The following TMEM132D variants were observed in gnomAD, a reference collection of about 807,000 sequenced individuals.
TMEM132D encodes the protein mature OL transmembrane protein.
TMEM132D carries 21 observed loss-of-function variants against 62.3 expected under a neutral mutation model. The ratio of observed to expected loss-of-function variants is 0.34; its 90% confidence interval spans 0.24 to 0.49. The LOEUF (loss-of-function observed/expected upper bound fraction) is 0.49, where lower values mean the gene tolerates loss of function less well. Among genes scored for constraint, TMEM132D ranks in the 20% least tolerant of loss-of-function variants. TMEM132D has a pLI of 0.99. For missense variants in TMEM132D, 1,346 were observed against 1,402.8 expected, an observed-to-expected ratio of 0.96 and a Z score of 0.65; for synonymous variants, 621 against 575.6, an observed-to-expected ratio of 1.08 and a Z score of -1.13.
At chr12:129,283,380 C>T (rs1049630021) in intron 4 of TMEM132D, among the ~76,000 whole-genome samples, 6 of 152,002 alleles carry the variant, frequency 3.9e-5, no homozygotes, top group South Asian at 2.1e-4. Context: ...TTAGTAGAGA[C>T]GGGATTTCAC....
intron 4 of TMEM132D, among the ~76,000 whole-genome samples, chr12:129,305,386 G>T (rs1018538021): frequency 6.6e-6 from 1 of 152,174 alleles, no homozygotes; most frequent in Non-Finnish European, 1.5e-5. Flanking sequence ...GGGAGTCTAA[G>T]TGCCACTGCC....
At chr12:129,461,582 T>C (rs1195859602) in intron 3 of TMEM132D, among the ~76,000 whole-genome samples, 1 of 152,162 alleles carries the variant, frequency 6.6e-6, no homozygotes, top group Non-Finnish European at 1.5e-5. Flanking sequence ...TTCATCTTCT[T>C]ACAGGTCTTC....
At chr12:129,601,773 A>C (rs888264480) in intron 2 of TMEM132D, among the ~76,000 whole-genome samples, 1 of 152,178 alleles carries the variant, frequency 6.6e-6, no homozygotes, top group Non-Finnish European at 1.5e-5. Context: ...GGAGCCACAA[A>C]CAATAGTAAC....
chr12:129,158,820 T>G (rs1877317608), intron 5 of TMEM132D, among the ~76,000 whole-genome samples: 1 of 152,166 alleles, frequency 6.6e-6, no homozygotes, highest in Non-Finnish European at 1.5e-5. Flanking sequence ...AAAAGAGGTT[T>G]AATTGACTCA....
intron 5 of TMEM132D, among the ~76,000 whole-genome samples, chr12:129,168,993 T>A (rs1877641891): frequency 6.6e-6 from 1 of 152,222 alleles, no homozygotes; most frequent in Non-Finnish European, 1.5e-5. Context: ...ATCTACTTTG[T>A]ATCACTCTAA....
At chr12:129,320,929 G>A (rs558620209) in intron 4 of TMEM132D, among the ~76,000 whole-genome samples, 1 of 149,876 alleles carries the variant, frequency 6.7e-6, no homozygotes, top group Non-Finnish European at 1.5e-5. Context: ...ATAATAAAAT[G>A]AAAGCGAGCC....
intron 2 of TMEM132D, among the ~76,000 whole-genome samples, chr12:129,644,984 TAA>T (rs749612311): frequency 3.6e-4 from 23 of 63,404 alleles, no homozygotes; most frequent in African/African-American, 1.1e-3. Flanking sequence ...ATAGTCCATC[TAA>T]AAAAAAAAAA....
intron 5 of TMEM132D, among the ~76,000 whole-genome samples, chr12:129,108,989 C>A (rs1875592665): frequency 6.6e-6 from 1 of 152,202 alleles, no homozygotes; most frequent in South Asian, 2.1e-4. Flanking sequence ...CTCTAGACTG[C>A]ATGCTATTAA....
chr12:129,568,716 G>C (rs1877433474), intron 2 of TMEM132D, among the ~76,000 whole-genome samples: 1 of 151,992 alleles, frequency 6.6e-6, no homozygotes, highest in South Asian at 2.1e-4. Context: ...TTATCTTATT[G>C]GTATCTCCAA....
At chr12:129,783,919 A>G (rs975235545) in intron 1 of TMEM132D, among the ~76,000 whole-genome samples, 6 of 152,210 alleles carry the variant, frequency 3.9e-5, no homozygotes, top group African/African-American at 1.4e-4. Flanking sequence ...CTAAACGATC[A>G]TCACATCTTT....
chr12:129,888,028 ATAT>A lies in TMEM132D; in HGVS notation c.79+15230_79+15232del, dbSNP rs1258151501. Among the ~76,000 whole-genome samples, 3 of 152,276 alleles carry A rather than the reference ATAT, an allele frequency of 2.0e-5. No homozygotes were observed. The East Asian group carries it at 5.8e-4, about 29-fold the overall frequency. ...CACTGTTCCCCTGAAAATGTAAATA[ATAT>A]TATTTGAGCTGTTCTCTCTCTTTCA... On this transcript the variant is annotated intron_variant, in intron 1 of 8. Transcript: ENST00000422113.
chr12:129,441,775 C>T (rs990163401), intron 3 of TMEM132D, among the ~76,000 whole-genome samples: 1 of 152,166 alleles, frequency 6.6e-6, no homozygotes, highest in African/African-American at 2.4e-5. Flanking sequence ...GAAAATGTCA[C>T]ACATATACAC....
At chr12:129,218,400 C>A (rs115252933) in intron 4 of TMEM132D, among the ~76,000 whole-genome samples, 216 of 152,264 alleles carry the variant, frequency 1.4e-3, no homozygotes, top group African/African-American at 4.8e-3. Flanking sequence ...ACACACCTGG[C>A]CATACGGCAT....
chr12:129,093,412 C>A (rs1477686682), intron 5 of TMEM132D, among the ~76,000 whole-genome samples: 1 of 152,124 alleles, frequency 6.6e-6, no homozygotes, highest in East Asian at 1.9e-4. Flanking sequence ...AGAGCCAAAT[C>A]ATGAGTGAAC....
intron 5 of TMEM132D, among the ~76,000 whole-genome samples, chr12:129,208,081 C>T (rs558476279): frequency 6.6e-6 from 1 of 152,266 alleles, no homozygotes; most frequent in South Asian, 2.1e-4. Flanking sequence ...GTCATATCGC[C>T]CGTGACCGCC....
intron 2 of TMEM132D, among the ~76,000 whole-genome samples, chr12:129,649,701 G>A (rs1177687589): frequency 6.6e-6 from 1 of 151,420 alleles, no homozygotes; most frequent in Non-Finnish European, 1.5e-5. Context: ...AGAATAAAAA[G>A]GTATATATAC....
At chr12:129,703,013 A>G (rs1167982538) in intron 1 of TMEM132D, among the ~76,000 whole-genome samples, 1 of 152,164 alleles carries the variant, frequency 6.6e-6, no homozygotes, top group African/African-American at 2.4e-5. Flanking sequence ...AGACTCCTAT[A>G]AGACCTACAT....
intron 1 of TMEM132D, among the ~76,000 whole-genome samples, chr12:129,898,666 C>A (rs1241630737): frequency 6.6e-6 from 1 of 152,220 alleles, no homozygotes; most frequent in African/African-American, 2.4e-5. Flanking sequence ...TCGCCCCATC[C>A]TCCAGAGCAC....
chr12:129,536,413 A>AT (rs75790523), intron 2 of TMEM132D, among the ~76,000 whole-genome samples: 32 of 151,946 alleles, frequency 2.1e-4, no homozygotes, highest in African/African-American at 6.5e-4. Context: ...AATAAGCTTC[A>AT]TTTTTTTTAT....
Sources: gnomAD v4.1 joint callset for allele counts (sites outside exome capture counted in the v4.1 genomes callset) on GRCh38, gnomAD v4.1.1 for gene constraint, MANE v1.5 for transcripts, NCBI Gene and HGNC (gene_info 2026-07-23, HGNC 2026-07-21) for gene names.